The following TBC1D5 variants were observed in gnomAD, a reference collection of about 807,000 sequenced individuals.
TBC1D5 encodes the protein TBC1 domain family, member 5.
In TBC1D5, 75 loss-of-function variants were observed where a neutral mutation model predicts 100.3. That is an observed-to-expected ratio of 0.75 (90% CI 0.62 to 0.91). The LOEUF is 0.91. TBC1D5 is among the 40% of genes least tolerant of loss of function. TBC1D5 has a pLI of 0.00. For missense variants in TBC1D5, 910 were observed against 942.4 expected (o/e 0.97, Z 0.45); for synonymous variants, 323 against 325.6 (o/e 0.99, Z 0.09).
At chr3:17,420,957 A>T (rs1465937095) in intron 4 of TBC1D5, among the ~76,000 whole-genome samples, 1 of 152,236 alleles carries the variant, frequency 6.6e-6, no homozygotes, top group Non-Finnish European at 1.5e-5. Flanking sequence ...GCCTGGCAAC[A>T]GATAACTAAA....
At chr3:17,359,355 T>C (rs1031770830) in intron 13 of TBC1D5, among the ~76,000 whole-genome samples, 8 of 152,128 alleles carry the variant, frequency 5.3e-5, no homozygotes, top group African/African-American at 1.7e-4. Context: ...ATTTTTCTTA[T>C]ATTTAGGTCA....
At chr3:17,698,082 C>G (rs1190449090) in intron 1 of TBC1D5, among the ~76,000 whole-genome samples, 1 of 151,962 alleles carries the variant, frequency 6.6e-6, no homozygotes. Context: ...CCCACATTGC[C>G]AAGTCAATCC....
chr3:17,196,125 C>G (rs1429838010), intron 18 of TBC1D5, among the ~76,000 whole-genome samples: 1 of 152,202 alleles, frequency 6.6e-6, no homozygotes, highest in African/African-American at 2.4e-5. Context: ...GTGACAAGCG[C>G]CTGCAAGAGC....
chr3:17,239,917 A>T (rs149031273), intron 16 of TBC1D5, among the ~76,000 whole-genome samples: 3 of 152,368 alleles, frequency 2.0e-5, no homozygotes, highest in African/African-American at 7.2e-5. Context: ...AATCATTAAT[A>T]GAAATGAAAT....
chr3:17,195,900 A>G (rs1326161676), intron 18 of TBC1D5, among the ~76,000 whole-genome samples: 2 of 152,156 alleles, frequency 1.3e-5, no homozygotes. Context: ...GTTATACCCC[A>G]TCTCTCACTA....
chr3:17,305,610 T>C (rs2083322709), intron 14 of TBC1D5, among the ~76,000 whole-genome samples: 1 of 152,202 alleles, frequency 6.6e-6, no homozygotes, highest in African/African-American at 2.4e-5. Flanking sequence ...CAATTTCTTA[T>C]AAATATCTCA....
intron 3 of TBC1D5, among the ~76,000 whole-genome samples, chr3:17,455,853 C>CA (rs2095072470): frequency 6.6e-6 from 1 of 151,754 alleles, no homozygotes; most frequent in Admixed American, 6.6e-5. Context: ...CAAAATAAAA[C>CA]AAAAAAGAAC....
intron 16 of TBC1D5, among the ~76,000 whole-genome samples, chr3:17,239,135 G>T (rs1232570357): frequency 6.6e-6 from 1 of 151,968 alleles, no homozygotes; most frequent in Non-Finnish European, 1.5e-5. Context: ...GTTTCATGAG[G>T]GCAAGGATTT....
exon 22 of TBC1D5, chr3:17,160,688 T>C (rs2065948499): frequency 4.8e-6 from 2 of 413,420 alleles, no homozygotes; most frequent in South Asian, 1.1e-4. Context: ...AGTGTGATAC[T>C]GGGTACGTAA....
intron 19 of TBC1D5, among the ~76,000 whole-genome samples, chr3:17,169,984 G>A (rs750004245): frequency 6.6e-6 from 1 of 152,222 alleles, no homozygotes. Flanking sequence ...AGAATCCAAT[G>A]CTGCCTCTGA....
chr3:17,453,319 C>A (rs1247501863), intron 3 of TBC1D5, among the ~76,000 whole-genome samples: 1 of 150,418 alleles, frequency 6.6e-6, no homozygotes, highest in African/African-American at 2.4e-5. Context: ...AAGATCAGAT[C>A]AGAAATAGAT....
intron 3 of TBC1D5, among the ~76,000 whole-genome samples, chr3:17,494,929 C>G (rs527708130): frequency 2.0e-5 from 3 of 152,212 alleles, no homozygotes. Context: ...ACCCTGATCC[C>G]TGGGTTGCAC....
chr3:17,452,328 ATAGAC>A (rs1389553506), intron 3 of TBC1D5, among the ~76,000 whole-genome samples: 2 of 152,178 alleles, frequency 1.3e-5, no homozygotes, highest in Admixed American at 1.3e-4. Flanking sequence ...TTAAATGTAC[ATAGAC>A]TAAACTGTCA....
At chr3:17,653,451 T>C (rs2065774340) in intron 1 of TBC1D5, among the ~76,000 whole-genome samples, 2 of 152,084 alleles carry the variant, frequency 1.3e-5, no homozygotes, top group Non-Finnish European at 2.9e-5. Flanking sequence ...AGTCTGATCA[T>C]GAGAAAATAC....
At chr3:17,489,095 A>C (rs1188280100) in intron 3 of TBC1D5, among the ~76,000 whole-genome samples, 1 of 151,978 alleles carries the variant, frequency 6.6e-6, no homozygotes, top group Non-Finnish European at 1.5e-5. Flanking sequence ...TAAGCAATCA[A>C]CAAATGAATC....
intron 13 of TBC1D5, among the ~76,000 whole-genome samples, chr3:17,363,602 G>A (rs1462557228): frequency 1.3e-5 from 2 of 150,150 alleles, no homozygotes; most frequent in Admixed American, 1.3e-4. Flanking sequence ...TAGAGACAAG[G>A]GTCTCACTAC....
intron 13 of TBC1D5, among the ~76,000 whole-genome samples, chr3:17,365,367 G>T (rs1227825510): frequency 6.6e-6 from 1 of 151,936 alleles, no homozygotes; most frequent in Non-Finnish European, 1.5e-5. Context: ...TAAAATACAT[G>T]GTCACTTTGT....
At chr3:17,359,150 G>T (rs886139619) in intron 13 of TBC1D5, among the ~76,000 whole-genome samples, 2 of 152,008 alleles carry the variant, frequency 1.3e-5, no homozygotes, top group African/African-American at 4.8e-5. Flanking sequence ...AAAGCAACAC[G>T]TTCCACCAGC....
At chr3:17,725,795 G>T (rs2076076493) in intron 1 of TBC1D5, among the ~76,000 whole-genome samples, 1 of 152,136 alleles carries the variant, frequency 6.6e-6, no homozygotes, top group South Asian at 2.1e-4. Context: ...TTGGTGTGCA[G>T]ATTATTTCAT....
Sources: gnomAD v4.1 joint callset for allele counts (sites outside exome capture counted in the v4.1 genomes callset) on GRCh38, gnomAD v4.1.1 for gene constraint, MANE v1.5 for transcripts, NCBI Gene and HGNC (gene_info 2026-07-23, HGNC 2026-07-21) for gene names.